TRMT9B: variants seen among roughly 807,000 people sequenced by gnomAD.
TRMT9B encodes probable tRNA methyltransferase 9B.
In TRMT9B, 16 loss-of-function variants were observed where a neutral mutation model predicts 11.5. The observed-to-expected ratio is 1.39, with a 90% CI of 0.94 to 2.11. The LOEUF (loss-of-function observed/expected upper bound fraction) is 2.11. TRMT9B is among the 30% of genes most tolerant of loss of function. The pLI is 0.00. For missense variants in TRMT9B, 941 were observed against 553.8 expected (o/e 1.70, Z -7.02); for synonymous variants, 274 against 192.4 (o/e 1.42, Z -3.51).
chr8:12,982,487 C>A (rs569733509), intron 1 of TRMT9B, among the ~76,000 whole-genome samples: 2 of 152,178 alleles, frequency 1.3e-5, no homozygotes, highest in East Asian at 3.9e-4. Flanking sequence ...CATAGTGAAA[C>A]CCCGTCTCTA....
At chr8:13,017,918 G>T (rs752662196) in intron 4 of TRMT9B, among the ~76,000 whole-genome samples, 1 of 151,692 alleles carries the variant, frequency 6.6e-6, no homozygotes, top group Admixed American at 6.6e-5. Context: ...GGCACCATCC[G>T]TGGCCAGCTA....
intron 1 of TRMT9B, among the ~76,000 whole-genome samples, chr8:12,955,969 C>G (rs1354785785): frequency 6.6e-6 from 1 of 152,180 alleles, no homozygotes; most frequent in Non-Finnish European, 1.5e-5. Context: ...TTCCATTGAT[C>G]AGAGAGGCTG....
chr8:12,983,019 C>T (rs1460414384), intron 1 of TRMT9B, among the ~76,000 whole-genome samples: 6 of 152,226 alleles, frequency 3.9e-5, no homozygotes, highest in South Asian at 4.1e-4. Flanking sequence ...CGATGCCCCA[C>T]ATGGGGCCAA....
At chr8:13,002,653 G>A (rs1014591338) in intron 2 of TRMT9B, among the ~76,000 whole-genome samples, 19 of 152,188 alleles carry the variant, frequency 1.2e-4, no homozygotes, top group African/African-American at 3.6e-4. Flanking sequence ...TCCTTGAAAC[G>A]GAAGGAATGA....
intron 1 of TRMT9B, among the ~76,000 whole-genome samples, chr8:12,964,187 A>G (rs1362350165): frequency 6.6e-6 from 1 of 152,188 alleles, no homozygotes; most frequent in African/African-American, 2.4e-5. Flanking sequence ...TTTTAAAGCT[A>G]TTTTTCAAAA....
chr8:12,954,662 T>C (rs1288651648), intron 1 of TRMT9B, among the ~76,000 whole-genome samples: 1 of 152,262 alleles, frequency 6.6e-6, no homozygotes, highest in African/African-American at 2.4e-5. Flanking sequence ...GGAGAATTCA[T>C]TTAAGGACAG....
intron 2 of TRMT9B, among the ~76,000 whole-genome samples, chr8:13,002,845 A>G (rs1809710145): frequency 6.6e-6 from 1 of 152,092 alleles, no homozygotes; most frequent in Non-Finnish European, 1.5e-5. Flanking sequence ...GGATAGGGGT[A>G]GAGGTGCGGG....
chr8:13,011,052 C>G (rs1811515651), intron 3 of TRMT9B: 1 of 513,538 alleles, frequency 1.9e-6, no homozygotes, highest in African/African-American at 2.1e-5. Context: ...TGATGCTACC[C>G]CAGCTCACTG....
intron 1 of TRMT9B, among the ~76,000 whole-genome samples, chr8:12,980,206 C>T (rs1186813087): frequency 2.0e-5 from 3 of 152,082 alleles, no homozygotes; most frequent in Non-Finnish European, 4.4e-5. Context: ...TTGAATTCTC[C>T]ACAGGAAAAT....
chr8:13,001,878 T>G (rs1809512938), intron 2 of TRMT9B, among the ~76,000 whole-genome samples: 1 of 152,188 alleles, frequency 6.6e-6, no homozygotes, highest in Non-Finnish European at 1.5e-5. Context: ...TCCAAACCCT[T>G]TATCTCTCGC....
At chr8:12,969,929 C>A (rs746215705) in intron 1 of TRMT9B, 16 of 151,656 alleles carry the variant, frequency 1.1e-4, no homozygotes, top group Non-Finnish European at 1.3e-4. Context: ...AGCCATCCTC[C>A]CACCTCAGCT....
intron 1 of TRMT9B, among the ~76,000 whole-genome samples, chr8:12,970,999 G>A (rs142166304): frequency 6.6e-6 from 1 of 152,156 alleles, no homozygotes; most frequent in Admixed American, 6.5e-5. Context: ...ATTTTTAAAT[G>A]ATGTATCATA....
At chr8:12,974,727 A>G (rs530989814) in intron 1 of TRMT9B, among the ~76,000 whole-genome samples, 1 of 152,296 alleles carries the variant, frequency 6.6e-6, no homozygotes, top group Admixed American at 6.5e-5. Context: ...AAAGCATTTC[A>G]CTTCTCTTGC....
chr8:12,952,895 A>C (rs567531250), intron 1 of TRMT9B, among the ~76,000 whole-genome samples: 2 of 152,222 alleles, frequency 1.3e-5, no homozygotes, highest in South Asian at 4.2e-4. Flanking sequence ...AACCGTCACC[A>C]TGCCTGGCTA....
chr8:13,005,931 A>C (rs556817161), intron 2 of TRMT9B, among the ~76,000 whole-genome samples: 1 of 152,256 alleles, frequency 6.6e-6, no homozygotes, highest in Non-Finnish European at 1.5e-5. Flanking sequence ...TTAAGAATTC[A>C]TCTTGTACAG....
Position 13,027,411 on chromosome 8 carries a change from A to G in TRMT9B, c.*5367A>G, listed in dbSNP as rs578397. The G allele has an allele frequency of 0.43, 72,507 of 166,866 alleles. 16,826 individuals carry two copies. Among genetic ancestry groups the G allele is most frequent in the East Asian group, 0.6 (3,097 of 5,174 alleles). 10.3% of individuals were successfully genotyped at this position (166,866 alleles called of 1,614,324 possible). A position where few individuals can be genotyped will look rare whatever the true frequency, so the allele number is the denominator to read the frequency against. On this transcript the variant is annotated 3_prime_UTR_variant, in exon 5 of 5. Transcript: ENST00000524591. ...CTAAAGCTTGGACTTAATCTAGCTTACCCTAGACGTATTAACATCCTATAG... is the reference window on the plus strand; with the variant it reads ...CTAAAGCTTGGACTTAATCTAGCTTGCCCTAGACGTATTAACATCCTATAG...
At chr8:12,996,946 T>G (rs1474076426) in intron 2 of TRMT9B, among the ~76,000 whole-genome samples, 2 of 3,300 alleles carry the variant, frequency 6.1e-4, no homozygotes, top group Non-Finnish European at 2.2e-3. Flanking sequence ...CTTTATTTTA[T>G]TTTATTTTAT....
chr8:12,990,500 G>GT (rs1236301871), intron 1 of TRMT9B, among the ~76,000 whole-genome samples: 1 of 152,200 alleles, frequency 6.6e-6, no homozygotes, highest in East Asian at 1.9e-4. Flanking sequence ...GTACAATTTA[G>GT]TAATATTGTC....
chr8:12,976,009 C>T (rs114620972), intron 1 of TRMT9B, among the ~76,000 whole-genome samples: 3 of 152,186 alleles, frequency 2.0e-5, no homozygotes, highest in East Asian at 1.9e-4. Context: ...GAAACTGACT[C>T]GTGATCTTTG....
Sources: allele counts gnomAD v4.1 joint callset (sites outside exome capture counted in the v4.1 genomes callset), GRCh38; gene constraint gnomAD v4.1.1; transcripts MANE v1.5; gene names NCBI Gene and HGNC (gene_info 2026-07-23, HGNC 2026-07-21).